CYTH3: variants seen among roughly 807,000 people sequenced by gnomAD.
CYTH3 encodes cytohesin-3.
In CYTH3, 23 loss-of-function variants were observed where a neutral mutation model predicts 55.1. The ratio of observed to expected loss-of-function variants is 0.42; its 90% CI spans 0.30 to 0.59. CYTH3 has a LOEUF of 0.59. Ranked by LOEUF, CYTH3 falls within the 20% of genes least tolerant of loss-of-function variation. The pLI, the probability that CYTH3 is intolerant of heterozygous loss-of-function variation, is 0.20. For missense variants in CYTH3, 413 were observed against 524.8 expected, an observed-to-expected ratio of 0.79 and a Z score of 2.08; for synonymous variants, 249 against 194.9, an observed-to-expected ratio of 1.28 and a Z score of -2.31.
chr7:6,219,666 CCCCTGTGAAAT>C (rs199681037), intron 1 of CYTH3, among the ~76,000 whole-genome samples: 4,046 of 152,204 alleles, frequency 0.027, 69 homozygotes, highest in Middle Eastern at 0.065. Flanking sequence ...GCCCTCTTGT[CCCCTGTGAAAT>C]CCCTGTGAAA....
At chr7:6,262,664 C>A (rs1343756778) in intron 1 of CYTH3, among the ~76,000 whole-genome samples, 5 of 152,210 alleles carry the variant, frequency 3.3e-5, no homozygotes, top group Non-Finnish European at 2.9e-5. Context: ...CCAGCCTGAG[C>A]AACATAGTGA....
chr7:6,227,034 C>A (rs1221285177), intron 1 of CYTH3, among the ~76,000 whole-genome samples: 1 of 149,874 alleles, frequency 6.7e-6, no homozygotes, highest in Non-Finnish European at 1.5e-5. Context: ...GAGCTGAGAT[C>A]GCGCCACTGC....
chr7:6,187,859 T>C (rs1285211664), intron 2 of CYTH3, 138 bp from the exon 3 acceptor site: 2 of 714,156 alleles, frequency 2.8e-6, no homozygotes, highest in East Asian at 2.6e-5. Flanking sequence ...ACCAATACTA[T>C]TATCAATACA....
At chr7:6,265,256 CT>C (rs373700936) in intron 1 of CYTH3, among the ~76,000 whole-genome samples, 1 of 151,152 alleles carries the variant, frequency 6.6e-6, no homozygotes, top group African/African-American at 2.5e-5. Context: ...AAAAAAAAGA[CT>C]TGTGACAGAG....
In CYTH3 at chr7:6,162,523, C is replaced by G. The variant is rs987205594; in HGVS notation, c.*2421G>C. On this transcript the variant is annotated 3_prime_UTR_variant, in exon 13 of 13. Coordinates refer to ENST00000350796, the MANE Select transcript of CYTH3 (RefSeq NM_004227.4). The stretch of plus-strand genomic sequence containing the variant: ...AGGGCCGTCCTGGTAGCGGCTGGCC[C>G]TGCGCAGTCACTGACCCAGAGTTTT... The G allele has an allele frequency of 6.6e-6, 1 of 152,384 alleles. No homozygotes were observed. Among genetic ancestry groups the G allele is most frequent in the East Asian group, 1.9e-4 (1 of 5,192 alleles). The allele number at this position is 152,384 out of a possible 1,614,324, so 9.4% of individuals were successfully genotyped here.
chr7:6,252,687 T>C (rs941732708), intron 1 of CYTH3, among the ~76,000 whole-genome samples: 2 of 152,140 alleles, frequency 1.3e-5, no homozygotes, highest in African/African-American at 2.4e-5. Flanking sequence ...TTTAAATCAA[T>C]AGGAAAGTGT....
At position 6,165,013 on chromosome 7, in the gene CYTH3, G is replaced by T; in HGVS notation, c.1131C>A (p.Ala377=). Reference sequence around the variant, plus strand: ...CATAGAAGGGATCTCTGCTGATACTGGCTCTGGTGAAAAAAGGAAAACACA... The same window carrying T: ...CATAGAAGGGATCTCTGCTGATACTTGCTCTGGTGAAAAAAGGAAAACACA... ...EKEEWMKSIK[A]SISRDPFYDM... Residue 377 remains alanine (A), a synonymous_variant, in exon 13 of 13, where the codon GCC becomes GCA. Transcript: ENST00000350796. 6.2e-7 allele frequency: 1 copy of T among 1,614,160 alleles called. No homozygotes were observed. Among genetic ancestry groups the T allele is most frequent in the Non-Finnish European group, 8.5e-7 (1 of 1,180,010 alleles).
chr7:6,230,658 A>AC (rs1779371098), intron 1 of CYTH3, among the ~76,000 whole-genome samples: 1 of 152,214 alleles, frequency 6.6e-6, no homozygotes, highest in Non-Finnish European at 1.5e-5. Context: ...CCACATAATG[A>AC]CAATGTAAAC....
intron 1 of CYTH3, among the ~76,000 whole-genome samples, chr7:6,256,926 A>C (rs1780144375): frequency 6.6e-6 from 1 of 152,170 alleles, no homozygotes; most frequent in African/African-American, 2.4e-5. Context: ...CTGACCACAA[A>C]AAGGAAGGAA....
chr7:6,185,193 C>G (rs1242579509), intron 4 of CYTH3, among the ~76,000 whole-genome samples: 1 of 152,174 alleles, frequency 6.6e-6, no homozygotes, highest in South Asian at 2.1e-4. Flanking sequence ...GCCCCATAAG[C>G]AGAGAACCAG....
chr7:6,267,913 A>C lies in CYTH3; in HGVS notation c.34+4561T>G, dbSNP rs553420423. On this transcript the variant is annotated intron_variant, in intron 1 of 12. Transcript: ENST00000350796. Reference sequence around the variant, plus strand: ...TATTTTTCTATGAAACTGCTTTCCAATTTTAGAAAAAGTGAAGACAGATTA... The same window carrying C: ...TATTTTTCTATGAAACTGCTTTCCACTTTTAGAAAAAGTGAAGACAGATTA... 3.3e-5 allele frequency among the ~76,000 whole-genome samples: 5 copies of C among 152,306 alleles called. No individual in the cohort carries two copies. The East Asian group carries it at 9.6e-4, about 29-fold the overall frequency.
At chr7:6,234,866 AAAT>A (rs1049426612) in intron 1 of CYTH3, among the ~76,000 whole-genome samples, 2 of 152,184 alleles carry the variant, frequency 1.3e-5, no homozygotes, top group East Asian at 1.9e-4. Context: ...AATTTGTTGA[AAAT>A]AATAATAAGA....
chr7:6,165,474 G>A, intron 11 of CYTH3, 47 bp from the exon 12 acceptor site: 1 of 1,609,402 alleles, frequency 6.2e-7, no homozygotes, highest in Non-Finnish European at 8.5e-7. Flanking sequence ...GCTTGGGGCA[G>A]GTTCCCTGCA....
At chr7:6,248,488 A>T (rs1409090873) in intron 1 of CYTH3, among the ~76,000 whole-genome samples, 1 of 152,074 alleles carries the variant, frequency 6.6e-6, no homozygotes, top group East Asian at 1.9e-4. Flanking sequence ...CCCTGTCTAG[A>T]CCTGGCTTCC....
intron 1 of CYTH3, among the ~76,000 whole-genome samples, chr7:6,227,126 C>A (rs1017470602): frequency 1.3e-5 from 2 of 151,314 alleles, no homozygotes; most frequent in African/African-American, 4.9e-5. Flanking sequence ...GGTGTGCCCG[C>A]TCTCTTGACA....
chr7:6,205,878 A>T (rs1274674668), intron 1 of CYTH3, among the ~76,000 whole-genome samples: 1 of 129,256 alleles, frequency 7.7e-6, no homozygotes, highest in African/African-American at 3.3e-5. Flanking sequence ...TATCTCTTAA[A>T]AAAAAAAAAA....
chr7:6,225,030 C>T (rs1779208134), intron 1 of CYTH3, among the ~76,000 whole-genome samples: 1 of 152,178 alleles, frequency 6.6e-6, no homozygotes, highest in African/African-American at 2.4e-5. Flanking sequence ...TAGCCAGTGG[C>T]TGGCGCTGGG....
chr7:6,272,208 G>T (rs1455328203), intron 1 of CYTH3, among the ~76,000 whole-genome samples: 2 of 151,428 alleles, frequency 1.3e-5, no homozygotes, highest in Non-Finnish European at 3.0e-5. Flanking sequence ...AGACTCCGGG[G>T]CGACCCCAGC....
intron 2 of CYTH3, among the ~76,000 whole-genome samples, chr7:6,189,812 G>A (rs1473785366): frequency 2.0e-5 from 3 of 151,992 alleles, no homozygotes; most frequent in East Asian, 1.9e-4. Flanking sequence ...TGAGGTGAGC[G>A]GATCACGAGG....
Sources: allele counts gnomAD v4.1 joint callset (sites outside exome capture counted in the v4.1 genomes callset), GRCh38; gene constraint gnomAD v4.1.1; transcripts MANE v1.5; gene names NCBI Gene and HGNC (gene_info 2026-07-23, HGNC 2026-07-21).